ARRDC4: variants seen among roughly 807,000 people sequenced by gnomAD.
ARRDC4 encodes arrestin domain-containing protein 4.
ARRDC4 carries 40 observed loss-of-function variants against 44.6 expected under a neutral mutation model. That is an observed-to-expected ratio of 0.90 (90% CI 0.70 to 1.17). ARRDC4 has a LOEUF of 1.17. Among genes scored for constraint, ARRDC4 ranks in the 50% most tolerant of loss-of-function variants. The pLI, the probability that ARRDC4 is intolerant of heterozygous loss-of-function variation, is 0.00. For synonymous variants in ARRDC4, 211 were observed against 221.2 expected, an observed-to-expected ratio of 0.95 and a Z score of 0.41; for missense variants, 550 against 559.1, an observed-to-expected ratio of 0.98 and a Z score of 0.16.
Position 97,965,443 on chromosome 15 carries a change from C to G in ARRDC4, c.308-157C>G, listed in dbSNP as rs1899399712. Among the ~76,000 whole-genome samples, 1 of 150,220 alleles carries G rather than the reference C, an allele frequency of 6.7e-6. No individual in the cohort carries two copies. Among genetic ancestry groups the G allele is most frequent in the Non-Finnish European group, 1.5e-5 (1 of 67,644 alleles). ...CACATAGACACACGCACACACACCC[C>G]CCTTCAAACTTAATTCTCTACATTT... On this transcript the variant is annotated intron_variant, in intron 1 of 7. Coordinates refer to ENST00000268042, the MANE Select transcript of ARRDC4 (RefSeq NM_183376.3). The surrounding 1 kb of genome is among the most constrained non-coding windows in gnomAD (Gnocchi z 5.1).
In ARRDC4 at chr15:97,969,959, G is replaced by A; in HGVS notation, c.959G>A (p.Gly320Asp). The change falls in exon 6 of 8, where the codon GGT (glycine) becomes GAT (aspartate). Residue 320 changes from glycine to aspartate, a missense_variant. By Grantham distance (94) the Gly-to-Asp change is moderately conservative (BLOSUM62 -1). Coordinates refer to ENST00000268042, the MANE Select transcript of ARRDC4 (RefSeq NM_183376.3). ...PLVIGTIPYN[G>D]FGSRNSSIAS... ...GTGATCGGTACAATTCCATATAATG[G>A]TTTTGGCAGCAGAAACTCCAGCATT... 1.9e-6 allele frequency: 3 copies of A among 1,612,670 alleles called. No homozygotes were observed. The highest frequency in any genetic ancestry group is 2.5e-6 in the Non-Finnish European group (3 of 1,179,432).
rs111706632 is a variant in ARRDC4, at chr15:97,969,131, A to G, written c.634A>G (p.Ile212Val). ...TTTTGTTTTCTTTTTAGGAGAAGCTATTCCAATCTATGCAGAAATAGAAAA... is the reference window on the plus strand; with the variant it reads ...TTTTGTTTTCTTTTTAGGAGAAGCTGTTCCAATCTATGCAGAAATAGAAAA... ...ERKGYCNGEA[I>V]PIYAEIENCS... is the part of the protein sequence containing the mutation. Residue 212 changes from isoleucine (I) to valine (V), a missense_variant, in exon 5 of 8, where the codon ATT becomes GTT. Coordinates refer to ENST00000268042, the MANE Select transcript of ARRDC4 (RefSeq NM_183376.3). The G allele has an allele frequency of 1.2e-5, 20 of 1,613,234 alleles. No individual in the cohort carries two copies. The highest frequency in any genetic ancestry group is 1.7e-5 in the Non-Finnish European group (20 of 1,179,238).
chr15:97,969,795 A>G lies in ARRDC4; in HGVS notation c.883-88A>G, dbSNP rs1205118075. 11 of 1,246,030 alleles carry G rather than the reference A, an allele frequency of 8.8e-6. No homozygotes were observed. The South Asian group carries it at 1.3e-4, about 14-fold the overall frequency. 77.2% of individuals were successfully genotyped at this position (1,246,030 alleles called of 1,614,324 possible). On this transcript the variant is annotated intron_variant, in intron 5 of 7. Transcript: ENST00000268042. ...GCAGCCGACAAAAGCATTTGTTTCT[A>G]TGAAAAAAAGAAATTAATTGGGCTA...
rs750679890 is a variant in ARRDC4, at chr15:97,965,684, A to G, written c.374+18A>G. 8.7e-6 allele frequency: 14 copies of G among 1,607,840 alleles called. No individual in the cohort carries two copies. The highest frequency in any genetic ancestry group is 5.4e-5 in the African/African-American group (4 of 74,754). On this transcript the variant is annotated intron_variant, in intron 2 of 7. Coordinates refer to ENST00000268042, the MANE Select transcript of ARRDC4 (RefSeq NM_183376.3). The surrounding 1 kb of genome is among the most constrained non-coding windows in gnomAD (Gnocchi z 5.1). ...CCATCTGAGTAAGTGAAACACTACAATTTTGTGGTTATCCTTCTCTGCAGT... is the reference window on the plus strand; with the variant it reads ...CCATCTGAGTAAGTGAAACACTACAGTTTTGTGGTTATCCTTCTCTGCAGT...
Position 97,970,811 on chromosome 15 carries a change from T to C in ARRDC4, c.1200+68T>C. On this transcript the variant is annotated intron_variant, in intron 7 of 7. Transcript: ENST00000268042. This position sits in a 1 kb window ranked among gnomAD's most constrained non-coding sequence, Gnocchi z 4.2. ...TCAAATAATCATTTTTTGTCATCCG[T>C]TCATTAGAGTGTCTGTTGCTGACTC... is the stretch of plus-strand genomic sequence containing the variant. The C allele has an allele frequency of 6.7e-7, 1 of 1,497,976 alleles. No individual in the cohort carries two copies. Among genetic ancestry groups the C allele is most frequent in the South Asian group, 1.2e-5 (1 of 83,770 alleles). 92.8% of individuals were successfully genotyped at this position (1,497,976 alleles called of 1,614,324 possible). A position where few individuals can be genotyped will look rare whatever the true frequency, so the allele number is the denominator to read the frequency against.
intron 1 of ARRDC4, 128 bp downstream of exon 1, chr15:97,961,296 C>G (rs1005175465): frequency 1.9e-5 from 17 of 884,468 alleles, no homozygotes; most frequent in Non-Finnish European, 2.6e-5. Flanking sequence ...GGGTGGGGTC[C>G]GGCCTACCCT....
chr15:97,970,460 T>A lies in ARRDC4; in HGVS notation c.1046-129T>A. ...TTTTATTGTAATATGCATAAAACCTTGCTGATTAGAGGGAAAGAATGCCAT... is the reference window on the plus strand; with the variant it reads ...TTTTATTGTAATATGCATAAAACCTAGCTGATTAGAGGGAAAGAATGCCAT... On this transcript the variant is annotated intron_variant, in intron 6 of 7. Coordinates refer to ENST00000268042, the MANE Select transcript of ARRDC4 (RefSeq NM_183376.3). This position sits in a 1 kb window ranked among gnomAD's most constrained non-coding sequence, Gnocchi z 4.2. 1.1e-6 allele frequency: 1 copy of A among 927,564 alleles called. No individual in the cohort carries two copies. The allele number at this position is 927,564 out of a possible 1,614,324, so 57.5% of individuals were successfully genotyped here. A position where few individuals can be genotyped will look rare whatever the true frequency, so the allele number is the denominator to read the frequency against.
At position 97,971,335 on chromosome 15, in the gene ARRDC4, A is replaced by C; in HGVS notation, c.*148A>C. 1 of 799,710 alleles carries C rather than the reference A, an allele frequency of 1.3e-6. No homozygotes were observed. Among genetic ancestry groups the C allele is most frequent in the Non-Finnish European group, 2.0e-6 (1 of 501,616 alleles). 49.5% of individuals were successfully genotyped at this position (799,710 alleles called of 1,614,324 possible). ...GCAATAGAAATTAAAGAATGTGAGA[A>C]AGTTCTGGTGGGCCGGCAGGATTGC... On this transcript the variant is annotated 3_prime_UTR_variant, in exon 8 of 8. Coordinates refer to ENST00000268042, the MANE Select transcript of ARRDC4 (RefSeq NM_183376.3).
At chr15:97,962,492 T>A (rs750087506) in intron 1 of ARRDC4, among the ~76,000 whole-genome samples, 2 of 152,192 alleles carry the variant, frequency 1.3e-5, no homozygotes, top group Non-Finnish European at 2.9e-5. Context: ...ACTGTATCTC[T>A]GGGCCTATAA....
intron 1 of ARRDC4, among the ~76,000 whole-genome samples, chr15:97,961,416 G>T (rs1899317860): frequency 6.6e-6 from 1 of 152,104 alleles, no homozygotes; most frequent in Non-Finnish European, 1.5e-5. Context: ...CTAGGACCGC[G>T]ACGGGAGGGG....
chr15:97,964,810 C>G (rs1301785975), intron 1 of ARRDC4, among the ~76,000 whole-genome samples: 1 of 152,014 alleles, frequency 6.6e-6, no homozygotes, highest in African/African-American at 2.4e-5. Flanking sequence ...TTGTGTTATA[C>G]CCAGTATTAA....
At chr15:97,962,895 A>G (rs1040029894) in intron 1 of ARRDC4, among the ~76,000 whole-genome samples, 47 of 152,260 alleles carry the variant, frequency 3.1e-4, no homozygotes, top group African/African-American at 1.1e-3. Context: ...TTAGAAATCC[A>G]TATTATGTAG....
rs1596306012 is a variant in ARRDC4 at position 97,970,226 on chromosome 15, T to C, written c.1045+181T>C. On this transcript the variant is annotated intron_variant, in intron 6 of 7. Coordinates refer to ENST00000268042, the MANE Select transcript of ARRDC4 (RefSeq NM_183376.3). The surrounding 1 kb of genome is among the most constrained non-coding windows in gnomAD (Gnocchi z 4.2). ...GAGGGACTTTGAAAGTTTAGCTTTA[T>C]CTAGGACGCAAAGCTGCTGATAGCA... Among the ~76,000 whole-genome samples, 1 of 152,194 alleles carries C rather than the reference T, an allele frequency of 6.6e-6. No homozygotes were observed. Among genetic ancestry groups the C allele is most frequent in the African/African-American group, 2.4e-5 (1 of 41,448 alleles).
Position 97,964,285 on chromosome 15 carries a change from AT to A in ARRDC4, c.308-1304del, listed in dbSNP as rs376275093. ...CCCATTTCACTACTGATTTCTTTAA[AT>A]TTTTTTTTTTAGTGAATGGATAAAG... On this transcript the variant is annotated intron_variant, in intron 1 of 7. Transcript: ENST00000268042. 7.5e-3 allele frequency among the ~76,000 whole-genome samples: 1,118 copies of A among 148,094 alleles called. 17 individuals are homozygous for A. Among genetic ancestry groups the A allele is most frequent in the African/African-American group, 0.026 (1,046 of 40,706 alleles).
Position 97,966,183 on chromosome 15 carries a change from G to A in ARRDC4, c.522+141G>A, listed in dbSNP as rs1286142085. 8 of 945,294 alleles carry A rather than the reference G, an allele frequency of 8.5e-6. No individual in the cohort carries two copies. The East Asian group carries it at 2.1e-4, about 25-fold the overall frequency. 58.6% of individuals were successfully genotyped at this position (945,294 alleles called of 1,614,324 possible). A position where few individuals can be genotyped will look rare whatever the true frequency, so the allele number is the denominator to read the frequency against. ...CTGATGGCTTGGAAAACACAATCTT[G>A]TAACCCAAAGGCATTCACTATAAAT... is the stretch of plus-strand genomic sequence containing the variant. On this transcript the variant is annotated intron_variant, in intron 3 of 7. Coordinates refer to ENST00000268042, the MANE Select transcript of ARRDC4 (RefSeq NM_183376.3). This position sits in a 1 kb window ranked among gnomAD's most constrained non-coding sequence, Gnocchi z 4.7.
intron 1 of ARRDC4, among the ~76,000 whole-genome samples, chr15:97,964,147 T>A (rs1477133816): frequency 6.6e-6 from 1 of 152,228 alleles, no homozygotes; most frequent in Admixed American, 6.5e-5. Flanking sequence ...TCAGAAGACC[T>A]AATAGGTCAG....
chr15:97,963,423 G>A (rs1899358791), intron 1 of ARRDC4, among the ~76,000 whole-genome samples: 1 of 152,122 alleles, frequency 6.6e-6, no homozygotes, highest in Non-Finnish European at 1.5e-5. Flanking sequence ...TTTTGAGATA[G>A]TTGAAAGTCT....
Position 97,970,907 on chromosome 15 carries a change from A to ATT in ARRDC4, c.1200+170_1200+171dup, listed in dbSNP as rs200850009. On this transcript the variant is annotated intron_variant, in intron 7 of 7. Coordinates refer to ENST00000268042, the MANE Select transcript of ARRDC4 (RefSeq NM_183376.3). The surrounding 1 kb of genome is among the most constrained non-coding windows in gnomAD (Gnocchi z 4.2). ...AGATTATCGCTGATTCATTTGCCAG[A>ATT]TTTTTTTACTATTGTCCTTGTGATC... 6.6e-6 allele frequency among the ~76,000 whole-genome samples: 1 copy of ATT among 152,004 alleles called. No homozygotes were observed. The highest frequency in any genetic ancestry group is 2.1e-4 in the South Asian group (1 of 4,818).
At chr15:97,971,043 C>A in intron 7 of ARRDC4, 88 bp from the exon 8 acceptor site, 1 of 1,409,026 alleles carries the variant, frequency 7.1e-7, no homozygotes. Context: ...ACCAGCTTGG[C>A]ATATAACCAT....
Sources: gnomAD v4.1 joint callset for allele counts (sites outside exome capture counted in the v4.1 genomes callset) on GRCh38, gnomAD v4.1.1 for gene constraint, Gnocchi (gnomAD v3.1) non-coding constraint, MANE v1.5 for transcripts, NCBI Gene and HGNC (gene_info 2026-07-23, HGNC 2026-07-21) for gene names.